Variants in MCPH1 observed in about 807,000 individuals in gnomAD.
The protein encoded by MCPH1 is microcephalin 1.
In MCPH1, 104 loss-of-function variants were observed where a neutral mutation model predicts 84.5. The ratio of observed to expected loss-of-function variants is 1.23; its 90% confidence interval spans 1.05 to 1.45. The LOEUF is 1.45. Ranked by LOEUF, MCPH1 falls within the 40% of genes most tolerant of loss-of-function variation. The pLI is 0.00. For synonymous variants in MCPH1, 514 were observed against 366.8 expected, an observed-to-expected ratio of 1.40 and a Z score of -4.58; for missense variants, 1,498 against 1,005.7, an observed-to-expected ratio of 1.49 and a Z score of -6.62.
chr8:6,610,156 G>T (rs549267123), intron 12 of MCPH1, among the ~76,000 whole-genome samples: 4 of 152,156 alleles, frequency 2.6e-5, no homozygotes, highest in African/African-American at 9.7e-5. Context: ...TCCATTGTCA[G>T]ACTGTTAAAT....
chr8:6,460,003 T>C (rs1806103984), intron 9 of MCPH1, among the ~76,000 whole-genome samples: 1 of 152,200 alleles, frequency 6.6e-6, no homozygotes, highest in African/African-American at 2.4e-5. Flanking sequence ...TAGACTGCTC[T>C]CATCTTTGGT....
intron 12 of MCPH1, among the ~76,000 whole-genome samples, chr8:6,542,584 T>C (rs1307660034): frequency 6.7e-6 from 1 of 148,254 alleles, no homozygotes; most frequent in Non-Finnish European, 1.5e-5. Context: ...TGTACTGATA[T>C]GCCTATTCTT....
rs962571971 is a variant in MCPH1 at position 6,589,774 on chromosome 8, C to T, written c.2215-31680C>T. On this transcript the variant is annotated intron_variant, in intron 12 of 13. Coordinates refer to ENST00000344683, the MANE Select transcript of MCPH1 (RefSeq NM_024596.5). ...TACATTATGTGTAAATTGCCAAAGA[C>T]CTGTTGATTTCCAAACCATTATATA... Among the ~76,000 whole-genome samples, 9 of 152,138 alleles carry T rather than the reference C, an allele frequency of 5.9e-5. 1 individual carries two copies. Among genetic ancestry groups the T allele is most frequent in the Non-Finnish European group, 1.3e-4 (9 of 68,038 alleles).
intron 12 of MCPH1, among the ~76,000 whole-genome samples, chr8:6,602,000 G>C (rs546604472): frequency 2.0e-5 from 3 of 152,344 alleles, no homozygotes; most frequent in Non-Finnish European, 2.9e-5. Context: ...TCTGCTAGAT[G>C]ATGAGCTTCC....
intron 11 of MCPH1, among the ~76,000 whole-genome samples, chr8:6,481,078 A>G (rs1809170553): frequency 6.6e-6 from 1 of 152,184 alleles, no homozygotes; most frequent in Non-Finnish European, 1.5e-5. Flanking sequence ...TTCTGGGGCA[A>G]CAGGAGGACG....
chr8:6,595,885 A>G (rs370079046), intron 12 of MCPH1, among the ~76,000 whole-genome samples: 2 of 152,246 alleles, frequency 1.3e-5, no homozygotes, highest in African/African-American at 4.8e-5. Context: ...CAGAAAAGTT[A>G]GGGTGCAACC....
At chr8:6,518,452 A>G (rs1402357967) in intron 12 of MCPH1, among the ~76,000 whole-genome samples, 1 of 152,156 alleles carries the variant, frequency 6.6e-6, no homozygotes, top group Non-Finnish European at 1.5e-5. Flanking sequence ...GACATTAACT[A>G]ATTTTCAGGG....
At chr8:6,465,920 T>TATCG (rs1554499808) in intron 9 of MCPH1, among the ~76,000 whole-genome samples, 3 of 92,160 alleles carry the variant, frequency 3.3e-5, no homozygotes, top group Middle Eastern at 5.8e-3. Context: ...CAATTTTATC[T>TATCG]ATCGATCCAT....
rs1563305264 is a variant in MCPH1 at position 6,505,261 on chromosome 8, T to TATATATATGTATACATATATG, written c.2214+5332_2214+5333insATATATATGTATACATATATG. Among the ~76,000 whole-genome samples, 4 of 116,682 alleles carry TATATATATGTATACATATATG rather than the reference T, an allele frequency of 3.4e-5. 1 individual carries two copies. Among genetic ancestry groups the TATATATATGTATACATATATG allele is most frequent in the African/African-American group, 1.5e-4 (4 of 27,342 alleles). The allele number at this position is 116,682 out of a possible 152,430, so 76.5% of individuals were successfully genotyped here. On this transcript the variant is annotated intron_variant, in intron 12 of 13. Coordinates refer to ENST00000344683, the MANE Select transcript of MCPH1 (RefSeq NM_024596.5). Reference sequence around the variant, plus strand: ...TAGAATATATATTCTTTATATATGTTTTATATATATGTATACATATATATG... The same window carrying TATATATATGTATACATATATG: ...TAGAATATATATTCTTTATATATGTTATATATATGTATACATATATGTTATATATATGTATACATATATATG...
intron 12 of MCPH1, among the ~76,000 whole-genome samples, chr8:6,517,458 C>T (rs964587848): frequency 6.6e-5 from 10 of 152,334 alleles, no homozygotes; most frequent in African/African-American, 1.2e-4. Context: ...GTCTCTCTCT[C>T]GTAGAAGAAC....
In MCPH1 at chr8:6,477,431, G is replaced by GT. The variant is rs929842006; in HGVS notation, c.1936-157dup. ...TATCTGAGTTTCTATCTCTTGGCCT[G>GT]TTTTTTCCAGGAATATAAAGGTTTT... On this transcript the variant is annotated intron_variant, in intron 9 of 13. Transcript: ENST00000344683. The GT allele has an allele frequency of 1.7e-4, 109 of 628,986 alleles. 1 individual carries two copies. Among genetic ancestry groups the GT allele is most frequent in the Middle Eastern group, 1.7e-3 (4 of 2,330 alleles). The allele number at this position is 628,986 out of a possible 1,614,324, so 39.0% of individuals were successfully genotyped here.
intron 12 of MCPH1, among the ~76,000 whole-genome samples, chr8:6,596,006 CTT>C (rs1487915204): frequency 6.6e-6 from 1 of 152,222 alleles, no homozygotes; most frequent in Non-Finnish European, 1.5e-5. Flanking sequence ...GAGACAGTCT[CTT>C]TCTTTTTATT....
chr8:6,464,515 T>C (rs1316989919), intron 9 of MCPH1, among the ~76,000 whole-genome samples: 2 of 152,226 alleles, frequency 1.3e-5, no homozygotes, highest in Non-Finnish European at 2.9e-5. Flanking sequence ...ATTGTAAATG[T>C]GTGGTTCAGA....
intron 6 of MCPH1, 41 bp from the exon 7 acceptor site, chr8:6,442,026 C>A: frequency 7.1e-7 from 1 of 1,405,922 alleles, no homozygotes; most frequent in Non-Finnish European, 1.0e-6. Flanking sequence ...CTAAGAAATA[C>A]TGAAACTTTA....
chr8:6,529,798 C>T (rs1379443051), intron 12 of MCPH1, among the ~76,000 whole-genome samples: 6 of 151,700 alleles, frequency 4.0e-5, no homozygotes, highest in Admixed American at 3.9e-4. Context: ...AATTGGGCTT[C>T]ACATGGAAAA....
intron 12 of MCPH1, among the ~76,000 whole-genome samples, chr8:6,575,667 A>G (rs1370677797): frequency 1.3e-5 from 2 of 152,198 alleles, no homozygotes; most frequent in African/African-American, 4.8e-5. Context: ...CGTCTTCGGA[A>G]GTAGGGCCAT....
At chr8:6,609,210 A>G (rs1474886365) in intron 12 of MCPH1, among the ~76,000 whole-genome samples, 1 of 152,180 alleles carries the variant, frequency 6.6e-6, no homozygotes, top group Non-Finnish European at 1.5e-5. Context: ...ACGACAGTGA[A>G]AAGCAACCAA....
intron 12 of MCPH1, among the ~76,000 whole-genome samples, chr8:6,559,610 G>C (rs921200892): frequency 2.6e-5 from 4 of 152,124 alleles, no homozygotes; most frequent in Non-Finnish European, 5.9e-5. Flanking sequence ...GACTGCAGTT[G>C]TTTATAGGTA....
At chr8:6,533,633 C>G (rs972096345) in intron 12 of MCPH1, among the ~76,000 whole-genome samples, 1 of 142,202 alleles carries the variant, frequency 7.0e-6, no homozygotes. Flanking sequence ...ATTCCCTGGT[C>G]CAAAGTATAA....
Sources: allele counts gnomAD v4.1 joint callset (sites outside exome capture counted in the v4.1 genomes callset), GRCh38; gene constraint gnomAD v4.1.1; transcripts MANE v1.5; gene names NCBI Gene and HGNC (gene_info 2026-07-23, HGNC 2026-07-21).